Variants in OR51F1 observed in about 807,000 individuals in gnomAD.
OR51F1 encodes olfactory receptor 51F1.
For synonymous variants in OR51F1, 142 were observed against 143.5 expected, an observed-to-expected ratio of 0.99 and a Z score of 0.08; for missense variants, 438 against 385.4, an observed-to-expected ratio of 1.14 and a Z score of -1.14.
In OR51F1 at chr11:4,769,631, A is replaced by G. The variant is rs747211123; in HGVS notation, c.308T>C (p.Leu103Pro). 1 of 1,599,140 alleles carries G rather than the reference A, an allele frequency of 6.3e-7. No homozygotes were observed. Among genetic ancestry groups the G allele is most frequent in the Non-Finnish European group, 8.5e-7 (1 of 1,175,538 alleles). The change falls in exon 1 of 1, where the codon CTA (leucine) becomes CCA (proline). Residue 103 changes from leucine to proline, a missense_variant. Transcript: ENST00000624103. ...AAACATCTGGACAATGCAGCTATAT[A>G]GACTGATTTCACGTGCCTCAAACCA... The part of the protein sequence containing the change: ...ILWFEAREIS[L>P]YSCIVQMFFL...
chr11:4,769,257 T>C lies in OR51F1; in HGVS notation c.682A>G (p.Ile228Val), dbSNP rs373726031. Residue 228 changes from isoleucine to valine, a missense_variant, in exon 1 of 1, where the codon ATC becomes GTC. Ile to Val is a conservative substitution (Grantham distance 29). Transcript: ENST00000624103. ...IDTPCIVLSY[I>V]LIIHSVLRIA... The stretch of plus-strand genomic sequence containing the variant: ...CTGAGGACAGAGTGAATAATTAAGA[T>C]ATATGACAGGACAATGCATGGTGTA... The C allele has an allele frequency of 2.5e-6, 4 of 1,613,556 alleles. No homozygotes were observed. Among genetic ancestry groups the C allele is most frequent in the African/African-American group, 2.7e-5 (2 of 74,888 alleles).
At position 4,769,880 on chromosome 11, in the gene OR51F1, G is replaced by T; in HGVS notation, c.59C>A (p.Thr20Asn). 2 of 1,612,428 alleles carry T rather than the reference G, an allele frequency of 1.2e-6. No individual in the cohort carries two copies. Among genetic ancestry groups the T allele is most frequent in the Non-Finnish European group, 8.5e-7 (1 of 1,178,490 alleles). Reference sequence around the variant, plus strand: ...GCCAGGAATGCCGGTCAACAAGAAGGTTGGAAATTTAGATGTTGAGTTGCT... The same window carrying T: ...GCCAGGAATGCCGGTCAACAAGAAGTTTGGAAATTTAGATGTTGAGTTGCT... ...ILSNSTSKFP[T>N]FLLTGIPGLE... Residue 20 changes from threonine to asparagine, a missense_variant, in exon 1 of 1, where the codon ACC becomes AAC. Coordinates refer to ENST00000624103, the MANE Select transcript of OR51F1 (RefSeq NM_001004752.2).
At position 4,769,461 on chromosome 11, in the gene OR51F1, G is replaced by T. The variant is rs201937374; in HGVS notation, c.478C>A (p.Arg160Ser). The change falls in exon 1 of 1, where the codon CGT becomes AGT. Residue 160 changes from arginine to serine, a missense_variant. Arg to Ser is a moderately radical substitution (Grantham distance 110). Transcript: ENST00000624103. ...IIQMGLLMITRAIVLILPLLL... is the reference protein window; with the variant it reads ...IIQMGLLMITSAIVLILPLLL... ...AGTGGCAATATTAGTACTATAGCAC[G>T]TGTAATCATCAGAAGACCCATTTGA... is the stretch of plus-strand genomic sequence containing the variant. 6.2e-7 allele frequency: 1 copy of T among 1,612,666 alleles called. No homozygotes were observed. The highest frequency in any genetic ancestry group is 8.5e-7 in the Non-Finnish European group (1 of 1,178,700).
At position 4,769,714 on chromosome 11, in the gene OR51F1, T is replaced by C. The variant is rs1182294140; in HGVS notation, c.225A>G (p.Leu75=). 6 of 1,613,286 alleles carry C rather than the reference T, an allele frequency of 3.7e-6. No individual in the cohort carries two copies. The highest frequency in any genetic ancestry group is 3.3e-5 in the Admixed American group (2 of 60,006). ...HEPMYYFLFR[L]SATDLGLTVS... is the part of the protein sequence containing the mutation. ...CAGTCAAGCCCAGATCAGTGGCTGA[T>C]AGCCTGAAGAGGAAATAATACATGG... The change falls in exon 1 of 1, where the codon CTA becomes CTG. Residue 75 remains leucine, a synonymous_variant. Transcript: ENST00000624103.
rs1389120233 is a variant in OR51F1, at chr11:4,769,327, A to G, written c.612T>C (p.Asn204=). The part of the protein sequence containing the change: ...IQLACSDIRA[N]SICGLIDLIL... ...TGAGATCAATTAATCCACAGATGCT[A>G]TTTGCCCGAATGTCTGAACATGCTA... Residue 204 remains asparagine (N), a synonymous_variant, in exon 1 of 1, where the codon AAT becomes AAC. Transcript: ENST00000624103. The G allele has an allele frequency of 1.2e-6, 2 of 1,613,454 alleles. No individual in the cohort carries two copies. The highest frequency in any genetic ancestry group is 8.5e-7 in the Non-Finnish European group (1 of 1,179,338).
chr11:4,769,758 G>A lies in OR51F1; in HGVS notation c.181C>T (p.Gln61Ter), dbSNP rs1311725260. The change falls in exon 1 of 1, where the codon CAG becomes TAG. Residue 61 changes from glutamine (Q) to a stop codon, truncating the protein, a stop_gained. Transcript: ENST00000624103. LOFTEE classifies it low-confidence loss of function (END_TRUNC). ...NSVILFVIIT[Q>*]QSLHEPMYYF... ...TACATGGGTTCATGGAGACTCTGCT[G>A]GGTAATGATGACAAACAGGATCACG... 3 of 1,613,884 alleles carry A rather than the reference G, an allele frequency of 1.9e-6. No individual in the cohort carries two copies. The highest frequency in any genetic ancestry group is 1.7e-6 in the Non-Finnish European group (2 of 1,179,772).
rs1191505943 is a variant in OR51F1 at position 4,769,799 on chromosome 11, G to A, written c.140C>T (p.Ala47Val). 2.5e-6 allele frequency: 4 copies of A among 1,612,758 alleles called. No individual in the cohort carries two copies. In the Admixed American group the frequency reaches 5.0e-5, roughly 20 times the overall value. ...CAGGATCACGCTGTTCCCAGAGAGGGCAATGGCATAAAAACAACAGAAAGG... is the reference window on the plus strand; with the variant it reads ...CAGGATCACGCTGTTCCCAGAGAGGACAATGGCATAAAAACAACAGAAAGG... ...SIPFCCFYAI[A>V]LSGNSVILFV... Residue 47 changes from alanine (A) to valine (V), a missense_variant, in exon 1 of 1, where the codon GCC becomes GTC. By Grantham distance (64) the Ala-to-Val change is moderately conservative. Coordinates refer to ENST00000624103, the MANE Select transcript of OR51F1 (RefSeq NM_001004752.2).
Position 4,769,593 on chromosome 11 carries a change from A to T in OR51F1, c.346T>A (p.Phe116Ile), listed in dbSNP as rs777828936. The T allele has an allele frequency of 5.0e-6, 8 of 1,613,332 alleles. No homozygotes were observed. The highest frequency in any genetic ancestry group is 5.9e-6 in the Non-Finnish European group (7 of 1,179,498). The part of the protein sequence containing the change: ...CIVQMFFLHG[F>I]TFMESGVLVA... ...AGCACTCCAGATTCCATAAAAGTGAATCCATGAAGAAAAAACATCTGGACA... is the reference window on the plus strand; with the variant it reads ...AGCACTCCAGATTCCATAAAAGTGATTCCATGAAGAAAAAACATCTGGACA... Residue 116 changes from phenylalanine (F) to isoleucine (I), a missense_variant, in exon 1 of 1, where the codon TTC (phenylalanine) becomes ATC (isoleucine). Coordinates refer to ENST00000624103, the MANE Select transcript of OR51F1 (RefSeq NM_001004752.2).
In OR51F1 at chr11:4,769,026, T is replaced by A; in HGVS notation, c.913A>T (p.Thr305Ser). The change falls in exon 1 of 1, where the codon ACA becomes TCA. Residue 305 changes from threonine to serine, a missense_variant. Transcript: ENST00000624103. ...VLNPIIDSVK[T>S]KQIRKAMLSL... ...AGCATAGCCTTGCGGATTTGTTTTG[T>A]TTTTACACTGTCGATGATGGGGTTG... The A allele has an allele frequency of 6.5e-7, 1 of 1,527,516 alleles. No individual in the cohort carries two copies. Among genetic ancestry groups the A allele is most frequent in the Non-Finnish European group, 8.8e-7 (1 of 1,138,590 alleles). 94.6% of individuals were successfully genotyped at this position (1,527,516 alleles called of 1,614,324 possible).
Position 4,769,546 on chromosome 11 carries a change from A to G in OR51F1, c.393T>C (p.Arg131=). ...SGVLVATAFD[R]YVAICDPLRY... ...TCAGAGGGTCACAGATGGCCACATAACGGTCAAAGGCTGTAGCCACCAGCA... is the reference window on the plus strand; with the variant it reads ...TCAGAGGGTCACAGATGGCCACATAGCGGTCAAAGGCTGTAGCCACCAGCA... The change falls in exon 1 of 1, where the codon CGT becomes CGC. Residue 131 remains arginine, a synonymous_variant. Coordinates refer to ENST00000624103, the MANE Select transcript of OR51F1 (RefSeq NM_001004752.2). 6.2e-7 allele frequency: 1 copy of G among 1,613,596 alleles called. No homozygotes were observed. Among genetic ancestry groups the G allele is most frequent in the Non-Finnish European group, 8.5e-7 (1 of 1,179,544 alleles).
In OR51F1 at chr11:4,769,283, T is replaced by G. The variant is rs144384528; in HGVS notation, c.656A>C (p.Asp219Ala). The G allele has an allele frequency of 8.1e-6, 13 of 1,613,632 alleles. No homozygotes were observed. The highest frequency in any genetic ancestry group is 1.0e-5 in the Non-Finnish European group (12 of 1,179,642). The change falls in exon 1 of 1, where the codon GAT becomes GCT. Residue 219 changes from aspartate (D) to alanine (A), a missense_variant. Coordinates refer to ENST00000624103, the MANE Select transcript of OR51F1 (RefSeq NM_001004752.2). ...LIDLILTTGI[D>A]TPCIVLSYIL... ...ATATGACAGGACAATGCATGGTGTA[T>G]CTATTCCAGTGGTCAGGATGAGATC...
Position 4,769,777 on chromosome 11 carries a change from G to A in OR51F1, c.162C>T (p.Ile54=), listed in dbSNP as rs1341380796. 1.9e-6 allele frequency: 3 copies of A among 1,613,620 alleles called. No homozygotes were observed. The highest frequency in any genetic ancestry group is 2.5e-6 in the Non-Finnish European group (3 of 1,179,706). ...TCTGCTGGGTAATGATGACAAACAGGATCACGCTGTTCCCAGAGAGGGCAA... is the reference window on the plus strand; with the variant it reads ...TCTGCTGGGTAATGATGACAAACAGAATCACGCTGTTCCCAGAGAGGGCAA... ...YAIALSGNSV[I]LFVIITQQSL... Residue 54 remains isoleucine, a synonymous_variant, in exon 1 of 1, where the codon ATC becomes ATT. Transcript: ENST00000624103.
Position 4,769,563 on chromosome 11 carries a change from C to T in OR51F1, c.376G>A (p.Ala126Thr). ...GCCACATAACGGTCAAAGGCTGTAG[C>T]CACCAGCACTCCAGATTCCATAAAA... is the stretch of plus-strand genomic sequence containing the variant. ...FTFMESGVLV[A>T]TAFDRYVAIC... Residue 126 changes from alanine to threonine, a missense_variant, in exon 1 of 1, where the codon GCT becomes ACT. Coordinates refer to ENST00000624103, the MANE Select transcript of OR51F1 (RefSeq NM_001004752.2). 1 of 1,613,076 alleles carries T rather than the reference C, an allele frequency of 6.2e-7. No homozygotes were observed.
chr11:4,769,924 C>G lies in OR51F1; in HGVS notation c.15G>C (p.Gln5His). The G allele has an allele frequency of 6.6e-7, 1 of 1,517,976 alleles. No individual in the cohort carries two copies. The highest frequency in any genetic ancestry group is 9.1e-7 in the Non-Finnish European group (1 of 1,093,242). The allele number at this position is 1,517,976 out of a possible 1,614,324, so 94.0% of individuals were successfully genotyped here. MLQN[Q>H]DTMEILSNST... ...AGTTGCTTAGGATTTCCATGGTGTC[C>G]TGGTTTTGCAGCATTTGTCCTCACA... The change falls in exon 1 of 1, where the codon CAG becomes CAC. Residue 5 changes from glutamine (Q) to histidine (H), a missense_variant. Gln to His is a conservative substitution (Grantham distance 24). Transcript: ENST00000624103.
At position 4,769,655 on chromosome 11, in the gene OR51F1, C is replaced by A; in HGVS notation, c.284G>T (p.Trp95Leu). The A allele has an allele frequency of 6.2e-7, 1 of 1,613,048 alleles. No homozygotes were observed. Among genetic ancestry groups the A allele is most frequent in the Non-Finnish European group, 8.5e-7 (1 of 1,179,068 alleles). The change falls in exon 1 of 1, where the codon TGG (tryptophan) becomes TTG (leucine). Residue 95 changes from tryptophan to leucine, a missense_variant. Trp to Leu is a moderately conservative substitution (Grantham distance 61). Coordinates refer to ENST00000624103, the MANE Select transcript of OR51F1 (RefSeq NM_001004752.2). The part of the protein sequence containing the change: ...SSLSTTLGIL[W>L]FEAREISLYS... ...TAGACTGATTTCACGTGCCTCAAAC[C>A]AGAGGATACCTAATGTTGTTGACAA...
Position 4,769,648 on chromosome 11 carries a change from C to T in OR51F1, c.291G>A (p.Glu97=). The T allele has an allele frequency of 6.2e-7, 1 of 1,613,142 alleles. No homozygotes were observed. The highest frequency in any genetic ancestry group is 1.3e-5 in the African/African-American group (1 of 74,888). ...AGCTATATAGACTGATTTCACGTGC[C>T]TCAAACCAGAGGATACCTAATGTTG... ...LSTTLGILWF[E]AREISLYSCI... Residue 97 remains glutamate, a synonymous_variant, in exon 1 of 1, where the codon GAG becomes GAA. Coordinates refer to ENST00000624103, the MANE Select transcript of OR51F1 (RefSeq NM_001004752.2).
Position 4,769,340 on chromosome 11 carries a change from T to A in OR51F1, c.599A>T (p.Asp200Val), listed in dbSNP as rs1248912621. ...HPDVIQLACSDIRANSICGLI... is the reference protein window; with the variant it reads ...HPDVIQLACSVIRANSICGLI... ...TCCACAGATGCTATTTGCCCGAATG[T>A]CTGAACATGCTAATTGAATCACATC... Residue 200 changes from aspartate (D) to valine (V), a missense_variant, in exon 1 of 1, where the codon GAC (aspartate) becomes GTC (valine). Coordinates refer to ENST00000624103, the MANE Select transcript of OR51F1 (RefSeq NM_001004752.2). 10 of 1,613,696 alleles carry A rather than the reference T, an allele frequency of 6.2e-6. No individual in the cohort carries two copies. The Admixed American group carries it at 1.2e-4, about 19-fold the overall frequency.
Position 4,769,062 on chromosome 11 carries a change from G to A in OR51F1, c.877C>T (p.Pro293Ser). 1 of 1,560,822 alleles carries A rather than the reference G, an allele frequency of 6.4e-7. No individual in the cohort carries two copies. The highest frequency in any genetic ancestry group is 8.7e-7 in the Non-Finnish European group (1 of 1,152,370). The change falls in exon 1 of 1, where the codon CCC becomes TCC. Residue 293 changes from proline (P) to serine (S), a missense_variant. Pro to Ser is a moderately conservative substitution (Grantham distance 74). Coordinates refer to ENST00000624103, the MANE Select transcript of OR51F1 (RefSeq NM_001004752.2). Reference protein sequence around the residue: ...SVMANVYLLLPPVLNPIIDSV... With the variant: ...SVMANVYLLLSPVLNPIIDSV... ...TCGATGATGGGGTTGAGCACAGGGG[G>A]TAAAAGCAGGTATACATTAGCCATC...
In OR51F1 at chr11:4,769,873, C is replaced by G. The variant is rs1247860380; in HGVS notation, c.66G>C (p.Leu22Phe). The change falls in exon 1 of 1, where the codon TTG (leucine) becomes TTC (phenylalanine). Residue 22 changes from leucine to phenylalanine, a missense_variant. By Grantham distance (22) the Leu-to-Phe change is conservative. Coordinates refer to ENST00000624103, the MANE Select transcript of OR51F1 (RefSeq NM_001004752.2). Reference protein sequence around the residue: ...SNSTSKFPTFLLTGIPGLESA... With the variant: ...SNSTSKFPTFFLTGIPGLESA... ...ACTCTAGGCCAGGAATGCCGGTCAA[C>G]AAGAAGGTTGGAAATTTAGATGTTG... 1.9e-6 allele frequency: 3 copies of G among 1,613,182 alleles called. No individual in the cohort carries two copies.
Sources: gnomAD v4.1 joint callset for allele counts on GRCh38, gnomAD v4.1.1 for gene constraint, MANE v1.5 for transcripts, NCBI Gene and HGNC (gene_info 2026-07-23, HGNC 2026-07-21) for gene names.